CNOT1: variants seen among roughly 807,000 people sequenced by gnomAD.
The protein encoded by CNOT1 is CCR4-NOT transcription complex subunit 1.
Under a neutral mutation model 273.8 loss-of-function variants are expected in CNOT1, and 15 were observed. The ratio of observed to expected loss-of-function variants is 0.05; its 90% CI spans 0.04 to 0.08. The LOEUF is 0.08. Among genes scored for constraint, CNOT1 ranks in the 10% least tolerant of loss-of-function variants. The pLI is 1.00. For missense variants in CNOT1, 1,644 were observed against 2,912.2 expected, an observed-to-expected ratio of 0.56 and a Z score of 10.02; for synonymous variants, 1,022 against 1,005.5, an observed-to-expected ratio of 1.02 and a Z score of -0.31.
intron 1 of CNOT1, among the ~76,000 whole-genome samples, chr16:58,621,855 G>A (rs1300301153): frequency 7.0e-6 from 1 of 142,262 alleles, no homozygotes; most frequent in African/African-American, 2.6e-5. Context: ...AGCTTGCAGT[G>A]AGCCGACATC....
intron 16 of CNOT1, among the ~76,000 whole-genome samples, chr16:58,574,168 T>C (rs933691361): frequency 6.6e-6 from 1 of 151,924 alleles, no homozygotes; most frequent in African/African-American, 2.4e-5. Context: ...TCCCAGGTAC[T>C]TGGGAGGTTG....
At chr16:58,564,409 G>A (rs951359563) in intron 16 of CNOT1, among the ~76,000 whole-genome samples, 1 of 152,040 alleles carries the variant, frequency 6.6e-6, no homozygotes, top group African/African-American at 2.4e-5. Context: ...GTACCAAGCA[G>A]TAGATGGTAA....
chr16:58,546,834 G>GGT, intron 27 of CNOT1, 85 bp from the exon 28 acceptor site: 1 of 1,520,642 alleles, frequency 6.6e-7, no homozygotes, highest in Non-Finnish European at 9.0e-7. Context: ...AACATAAGGG[G>GGT]GTAGGGGGGA....
At position 58,571,791 on chromosome 16, in the gene CNOT1, A is replaced by G. The variant is rs578005694; in HGVS notation, c.1979+2818T>C. Among the ~76,000 whole-genome samples the G allele has an allele frequency of 5.3e-5, 8 of 152,166 alleles. No individual in the cohort carries two copies. The East Asian group carries it at 1.6e-3, about 29-fold the overall frequency. On this transcript the variant is annotated intron_variant, in intron 16 of 48. Transcript: ENST00000317147. ...TCAGGAGTTTGAGACCAGCCAGGCC[A>G]ACATGGTGAAATCCCATCTCTACTA...
At chr16:58,530,375 T>C (rs745805999) in intron 42 of CNOT1, 28 bp from the exon 43 acceptor site, 1 of 1,548,164 alleles carries the variant, frequency 6.5e-7, no homozygotes, top group Non-Finnish European at 8.9e-7. Flanking sequence ...ACATGAGTCA[T>C]AATTATACTC....
At chr16:58,613,180 C>T (rs1290037617) in intron 1 of CNOT1, among the ~76,000 whole-genome samples, 1 of 151,916 alleles carries the variant, frequency 6.6e-6, no homozygotes, top group African/African-American at 2.4e-5. Flanking sequence ...TACAGGCATG[C>T]GCCAACACGC....
intron 2 of CNOT1, among the ~76,000 whole-genome samples, chr16:58,590,659 G>A (rs558018890): frequency 6.6e-6 from 1 of 152,236 alleles, no homozygotes; most frequent in South Asian, 2.1e-4. Flanking sequence ...AAACACCTTG[G>A]GAGGCTGAGG....
intron 1 of CNOT1, among the ~76,000 whole-genome samples, chr16:58,619,795 G>GA (rs1474689816): frequency 6.6e-6 from 1 of 152,026 alleles, no homozygotes; most frequent in Non-Finnish European, 1.5e-5. Context: ...AAACTGCTGG[G>GA]AAAAAAACCT....
chr16:58,573,455 A>C (rs1170439230), intron 16 of CNOT1, among the ~76,000 whole-genome samples: 1 of 150,980 alleles, frequency 6.6e-6, no homozygotes, highest in African/African-American at 2.4e-5. Context: ...TCCTCTCAAC[A>C]TTCCCAGTAG....
intron 1 of CNOT1, among the ~76,000 whole-genome samples, chr16:58,606,742 T>G (rs2042694326): frequency 6.6e-6 from 1 of 151,592 alleles, no homozygotes; most frequent in African/African-American, 2.4e-5. Context: ...AGACGGAGGT[T>G]GCAGTGAGCT....
intron 11 of CNOT1, among the ~76,000 whole-genome samples, chr16:58,581,100 TG>T (rs1163891337): frequency 6.8e-6 from 1 of 147,054 alleles, no homozygotes; most frequent in Non-Finnish European, 1.5e-5. Flanking sequence ...AACTTAACGT[TG>T]CCTTGGAAAT....
chr16:58,602,788 C>T (rs1472654423), intron 1 of CNOT1, among the ~76,000 whole-genome samples: 2 of 151,318 alleles, frequency 1.3e-5, no homozygotes, highest in Non-Finnish European at 3.0e-5. Context: ...ACCATCTATA[C>T]CAATAACTCT....
chr16:58,577,767 G>A (rs971404756), intron 13 of CNOT1, among the ~76,000 whole-genome samples: 1 of 151,732 alleles, frequency 6.6e-6, no homozygotes, highest in Non-Finnish European at 1.5e-5. Context: ...CTGAGCCTGG[G>A]AGGTTGAGGC....
intron 7 of CNOT1, 22 bp from the exon 8 acceptor site, chr16:58,585,528 A>G (rs1356829074): frequency 6.2e-7 from 1 of 1,608,316 alleles, no homozygotes; most frequent in Admixed American, 1.7e-5. Flanking sequence ...AAAAGGTTAC[A>G]ACTGCTATAC....
At chr16:58,583,445 G>A (rs1400213579) in intron 8 of CNOT1, among the ~76,000 whole-genome samples, 1 of 152,192 alleles carries the variant, frequency 6.6e-6, no homozygotes, top group African/African-American at 2.4e-5. Flanking sequence ...TTAGATGGGA[G>A]ATAAGCTATG....
chr16:58,556,783 G>A (rs1450039574), intron 19 of CNOT1, 64 bp downstream of exon 19: 1 of 1,573,046 alleles, frequency 6.4e-7, no homozygotes, highest in Non-Finnish European at 8.6e-7. Context: ...TAACACAAAT[G>A]AGACATACAA....
chr16:58,585,573 C>T (rs2041806712), intron 7 of CNOT1, 67 bp from the exon 8 acceptor site: 5 of 1,539,892 alleles, frequency 3.2e-6, no homozygotes, highest in Non-Finnish European at 1.7e-6. Flanking sequence ...TTGCTCTATC[C>T]AAAATCCCCT....
chr16:58,563,371 T>C (rs1446016742), intron 16 of CNOT1, among the ~76,000 whole-genome samples: 4 of 152,198 alleles, frequency 2.6e-5, no homozygotes, highest in Admixed American at 6.5e-5. Flanking sequence ...CAGTACATTA[T>C]ACCATCTAGG....
intron 1 of CNOT1, among the ~76,000 whole-genome samples, chr16:58,626,353 G>A (rs1222231052): frequency 7.3e-6 from 1 of 136,902 alleles, no homozygotes; most frequent in African/African-American, 2.7e-5. Flanking sequence ...GTTGCAGTGA[G>A]CCAAGATTCC....
Sources: allele counts gnomAD v4.1 joint callset (sites outside exome capture counted in the v4.1 genomes callset), GRCh38; gene constraint gnomAD v4.1.1; transcripts MANE v1.5; gene names NCBI Gene and HGNC (gene_info 2026-07-23, HGNC 2026-07-21).